The following MAF variants were observed in gnomAD, a reference collection of about 807,000 sequenced individuals.
MAF encodes the protein MAF bZIP transcription factor, also known as transcription factor Maf.
In MAF, 10 loss-of-function variants were observed where a neutral mutation model predicts 22.0. That is an observed-to-expected ratio of 0.45 (90% confidence interval 0.28 to 0.77). The LOEUF is 0.77. MAF is among the 30% of genes least tolerant of loss of function. MAF has a pLI of 0.12. For missense variants in MAF, 544 were observed against 548.4 expected (o/e 0.99, Z 0.08); for synonymous variants, 337 against 255.8 (o/e 1.32, Z -3.03).
intron 1 of MAF, among the ~76,000 whole-genome samples, chr16:79,587,631 T>C (rs552331492): frequency 1.3e-5 from 2 of 152,286 alleles, no homozygotes; most frequent in East Asian, 1.9e-4. Context: ...TACAGAGCAA[T>C]AATTGGACGT....
the MAF span, among the ~76,000 whole-genome samples, chr16:79,365,394 A>G: frequency 8.5e-5 from 13 of 152,310 alleles, no homozygotes; most frequent in East Asian, 2.5e-3. Context: ...GTTGAAAACA[A>G]ATACAACGCT....
At chr16:79,583,580 G>T (rs1334845518), downstream of MAF, among the ~76,000 whole-genome samples, 1 of 152,188 alleles carries the variant, frequency 6.6e-6, no homozygotes, top group African/African-American at 2.4e-5. Context: ...GCAGAGCTTA[G>T]ACATGAGCAC....
the MAF span, among the ~76,000 whole-genome samples, chr16:79,497,611 C>T: frequency 6.6e-6 from 1 of 152,224 alleles, no homozygotes; most frequent in Non-Finnish European, 1.5e-5. Context: ...TCTACAGTGA[C>T]CCCAAGACGA....
chr16:79,496,756 T>C, the MAF span, among the ~76,000 whole-genome samples: 2 of 152,142 alleles, frequency 1.3e-5, no homozygotes. Context: ...AACACACCAG[T>C]GGAAAGAGTA....
At chr16:79,364,095 A>C in the MAF span, among the ~76,000 whole-genome samples, 2 of 152,200 alleles carry the variant, frequency 1.3e-5, no homozygotes, top group Non-Finnish European at 2.9e-5. Context: ...AAGACAGATA[A>C]GGATAGGAAA....
At chr16:79,353,180 T>C in the MAF span, among the ~76,000 whole-genome samples, 1 of 151,866 alleles carries the variant, frequency 6.6e-6, no homozygotes, top group East Asian at 1.9e-4. Context: ...GGAGAGCAGC[T>C]GCGCAATCTC....
the MAF span, among the ~76,000 whole-genome samples, chr16:79,268,707 G>A: frequency 6.6e-6 from 1 of 152,178 alleles, no homozygotes; most frequent in Non-Finnish European, 1.5e-5. Flanking sequence ...AAGAAACATT[G>A]CAACAGGAAG....
chr16:79,331,621 C>T, the MAF span, among the ~76,000 whole-genome samples: 1 of 152,200 alleles, frequency 6.6e-6, no homozygotes, highest in Non-Finnish European at 1.5e-5. Flanking sequence ...TCCCTGTTTC[C>T]TCTGGGCTCC....
the MAF span, among the ~76,000 whole-genome samples, chr16:79,457,106 T>G: frequency 3.9e-5 from 6 of 152,140 alleles, no homozygotes; most frequent in Admixed American, 3.9e-4. Flanking sequence ...TCACAAGTGT[T>G]GATTTGTCTT....
At chr16:79,580,901 G>A (rs1912476952), downstream of MAF, among the ~76,000 whole-genome samples, 1 of 152,084 alleles carries the variant, frequency 6.6e-6, no homozygotes, top group Non-Finnish European at 1.5e-5. Context: ...TTGAGCGTTG[G>A]GAGAGAACTT....
chr16:79,590,202 TG>T (rs1382317069), downstream of MAF, among the ~76,000 whole-genome samples: 1 of 146,546 alleles, frequency 6.8e-6, no homozygotes. Context: ...CGGGCCAGGT[TG>T]GCGGAGGGGG....
chr16:79,488,094 T>G, the MAF span, among the ~76,000 whole-genome samples: 1 of 152,218 alleles, frequency 6.6e-6, no homozygotes, highest in African/African-American at 2.4e-5. Flanking sequence ...CCTGGAGACC[T>G]GGAGTGACGC....
chr16:79,221,410 T>A, the MAF span, among the ~76,000 whole-genome samples: 1 of 152,146 alleles, frequency 6.6e-6, no homozygotes, highest in African/African-American at 2.4e-5. Flanking sequence ...TCACTCTATG[T>A]GTTCCCAAAG....
chr16:79,571,728 C>A, the MAF span, among the ~76,000 whole-genome samples: 1 of 152,054 alleles, frequency 6.6e-6, no homozygotes, highest in East Asian at 1.9e-4. Context: ...GGTTTCCAGC[C>A]TTGGCATCAC....
At chr16:79,562,642 G>C in the MAF span, among the ~76,000 whole-genome samples, 1 of 152,054 alleles carries the variant, frequency 6.6e-6, no homozygotes, top group Admixed American at 6.6e-5. Context: ...TGTAGACCTC[G>C]GACTCCAGGC....
chr16:79,424,904 G>A, the MAF span, among the ~76,000 whole-genome samples: 1 of 151,992 alleles, frequency 6.6e-6, no homozygotes, highest in Non-Finnish European at 1.5e-5. Context: ...AAAATAAGAA[G>A]AATATAGATG....
the MAF span, among the ~76,000 whole-genome samples, chr16:79,337,365 T>C: frequency 1.3e-5 from 2 of 151,896 alleles, no homozygotes; most frequent in African/African-American, 4.8e-5. Flanking sequence ...AGGTCTGGAG[T>C]TCCAGACCAG....
chr16:79,228,722 T>C, the MAF span, among the ~76,000 whole-genome samples: 7 of 152,038 alleles, frequency 4.6e-5, no homozygotes, highest in African/African-American at 1.7e-4. Context: ...ATGTTTCTCC[T>C]CTGTTTCCAC....
the MAF span, among the ~76,000 whole-genome samples, chr16:79,226,019 C>G: frequency 2.4e-4 from 36 of 152,128 alleles, no homozygotes; most frequent in East Asian, 7.7e-4. Context: ...CCCAGCAATC[C>G]CATTACTGGG....
Sources: allele counts gnomAD v4.1 joint callset (sites outside exome capture counted in the v4.1 genomes callset), GRCh38; gene constraint gnomAD v4.1.1; transcripts MANE v1.5; gene names NCBI Gene and HGNC (gene_info 2026-07-23, HGNC 2026-07-21).